The following PARD6G variants were observed in gnomAD, a reference collection of about 807,000 sequenced individuals.
PARD6G encodes the protein par-6 family cell polarity regulator gamma.
PARD6G carries 7 observed loss-of-function variants against 10.7 expected under a neutral mutation model. The observed-to-expected ratio is 0.66, with a 90% CI of 0.37 to 1.23. The LOEUF is 1.23. PARD6G is among the 50% of genes most tolerant of loss of function. The probability of loss-of-function intolerance (pLI) is 0.02; values close to 1 mark genes in which losing one functional copy is unlikely to be tolerated. For missense variants in PARD6G, 548 were observed against 571.8 expected (o/e 0.96, Z 0.42); for synonymous variants, 287 against 269.4 (o/e 1.07, Z -0.64).
intron 1 of PARD6G, among the ~76,000 whole-genome samples, chr18:80,223,198 G>T (rs1408662505): frequency 6.6e-6 from 1 of 152,066 alleles, no homozygotes; most frequent in Non-Finnish European, 1.5e-5. Context: ...TATCATTACT[G>T]GAGTTAGGCA....
chr18:80,244,783 A>G (rs1038153170), intron 1 of PARD6G, among the ~76,000 whole-genome samples: 11 of 152,162 alleles, frequency 7.2e-5, no homozygotes, highest in African/African-American at 2.7e-4. Context: ...ATGGTGCTAC[A>G]TTGAGGTTGT....
chr18:80,223,477 C>T (rs9965320), intron 1 of PARD6G, among the ~76,000 whole-genome samples: 3,891 of 151,984 alleles, frequency 0.026, 152 homozygotes, highest in African/African-American at 0.089. Flanking sequence ...ATAGACATTC[C>T]CCAAAAAAGA....
chr18:80,164,757 C>T (rs1246272795), intron 2 of PARD6G, among the ~76,000 whole-genome samples: 1 of 152,180 alleles, frequency 6.6e-6, no homozygotes, highest in African/African-American at 2.4e-5. Context: ...GGGATGACAT[C>T]ACCTATCGGT....
intron 1 of PARD6G, among the ~76,000 whole-genome samples, chr18:80,216,175 A>G (rs1967163719): frequency 6.6e-6 from 1 of 152,160 alleles, no homozygotes; most frequent in South Asian, 2.1e-4. Flanking sequence ...TCAACAATAA[A>G]TGTTGGAGAC....
At chr18:80,162,733 CG>C (rs954974943) in intron 2 of PARD6G, 25 of 161,602 alleles carry the variant, frequency 1.5e-4, no homozygotes, top group Admixed American at 7.2e-4. Flanking sequence ...AGGAACAGTG[CG>C]GGGGCATCTG....
intron 2 of PARD6G, among the ~76,000 whole-genome samples, chr18:80,172,043 T>A (rs1471953328): frequency 6.6e-6 from 1 of 152,238 alleles, no homozygotes; most frequent in East Asian, 1.9e-4. Context: ...CGTTTTCCCT[T>A]CTGCTGGATA....
intron 1 of PARD6G, among the ~76,000 whole-genome samples, chr18:80,241,128 G>T (rs1051083172): frequency 1.3e-5 from 2 of 152,178 alleles, no homozygotes; most frequent in African/African-American, 4.8e-5. Flanking sequence ...TTTCTTGCAA[G>T]CTCCAGATTC....
chr18:80,160,679 G>A, intron 2 of PARD6G, 73 bp from the exon 3 acceptor site: 5 of 1,424,388 alleles, frequency 3.5e-6, no homozygotes, highest in South Asian at 1.5e-5. Context: ...CATACACCTG[G>A]CACTGCTGTT....
At position 80,247,269 on chromosome 18, in the gene PARD6G, G is replaced by T; in HGVS notation, c.72+8C>A. On this transcript the variant is annotated splice_region_variant and intron_variant, in intron 1 of 2. Coordinates refer to ENST00000353265, the MANE Select transcript of PARD6G (RefSeq NM_032510.4). The surrounding 1 kb of genome is among the most constrained non-coding windows in gnomAD (Gnocchi z 4.2). ...GCGCAGGGCCGCCGGGGCGGGCGGG[G>T]GGCTTACCTTGCTCTTGACTTCCAC... The T allele has an allele frequency of 1.3e-6, 2 of 1,574,004 alleles. No homozygotes were observed.
At position 80,164,184 on chromosome 18, in the gene PARD6G, A is replaced by G. The variant is rs535763819; in HGVS notation, c.296-3578T>C. Reference sequence around the variant, plus strand: ...TCCTCAAGGCTAGAATGGGTGCCCAACAGCCCCTGGCTCTGGTGCCAGAGA... The same window carrying G: ...TCCTCAAGGCTAGAATGGGTGCCCAGCAGCCCCTGGCTCTGGTGCCAGAGA... On this transcript the variant is annotated intron_variant, in intron 2 of 2. Transcript: ENST00000353265. Among the ~76,000 whole-genome samples the G allele has an allele frequency of 4.6e-5, 7 of 152,332 alleles. No individual in the cohort carries two copies. In the South Asian group the frequency reaches 1.5e-3, roughly 32 times the overall value.
At chr18:80,190,664 C>T (rs1432954044) in intron 2 of PARD6G, among the ~76,000 whole-genome samples, 1 of 152,160 alleles carries the variant, frequency 6.6e-6, no homozygotes, top group African/African-American at 2.4e-5. Flanking sequence ...ATAAAAAAGG[C>T]AGCCACCCCT....
chr18:80,185,393 G>A (rs1359647415), intron 2 of PARD6G, among the ~76,000 whole-genome samples: 1 of 152,078 alleles, frequency 6.6e-6, no homozygotes, highest in African/African-American at 2.4e-5. Context: ...TCCTGCCTCA[G>A]CCTTCTGAGT....
chr18:80,170,235 T>C (rs912209067), intron 2 of PARD6G: 1 of 152,264 alleles, frequency 6.6e-6, no homozygotes, highest in African/African-American at 2.4e-5. Flanking sequence ...ACAAAACCTG[T>C]TGTGTACTGA....
intron 2 of PARD6G, chr18:80,170,131 C>T (rs2052765866): frequency 6.6e-6 from 1 of 152,248 alleles, no homozygotes; most frequent in African/African-American, 2.4e-5. Flanking sequence ...AGAAGAACTA[C>T]ACCACTGGGT....
In PARD6G at chr18:80,228,978, G is replaced by A. The variant is rs780960122; in HGVS notation, c.72+18299C>T. Among the ~76,000 whole-genome samples, 3 of 152,078 alleles carry A rather than the reference G, an allele frequency of 2.0e-5. No homozygotes were observed. Among genetic ancestry groups the A allele is most frequent in the East Asian group, 3.9e-4 (2 of 5,184 alleles). ...TTAGAAGACGGAGTCTCACTCTGTC[G>A]CCCAGGCTGGAGTGCAGTGGCATGA... On this transcript the variant is annotated intron_variant, in intron 1 of 2. Coordinates refer to ENST00000353265, the MANE Select transcript of PARD6G (RefSeq NM_032510.4). This position sits in a 1 kb window ranked among gnomAD's most constrained non-coding sequence, Gnocchi z 4.6.
chr18:80,204,196 T>G (rs1367357101), intron 1 of PARD6G, among the ~76,000 whole-genome samples: 1 of 152,174 alleles, frequency 6.6e-6, no homozygotes, highest in Non-Finnish European at 1.5e-5. Context: ...ACTAATTAGA[T>G]TGGTTCCAAA....
At chr18:80,230,048 C>G (rs1170492954) in intron 1 of PARD6G, among the ~76,000 whole-genome samples, 1 of 152,228 alleles carries the variant, frequency 6.6e-6, no homozygotes, top group Non-Finnish European at 1.5e-5. Context: ...ACCCTCAAGT[C>G]TCACTGTCAG....
intron 1 of PARD6G, among the ~76,000 whole-genome samples, chr18:80,204,118 G>A (rs931477950): frequency 6.6e-6 from 1 of 152,160 alleles, no homozygotes; most frequent in Non-Finnish European, 1.5e-5. Flanking sequence ...CAAGGGTTCC[G>A]GCTCCTGTCA....
At chr18:80,198,492 G>C (rs4799143) in intron 2 of PARD6G, among the ~76,000 whole-genome samples, 1 of 152,066 alleles carries the variant, frequency 6.6e-6, no homozygotes, top group African/African-American at 2.4e-5. Context: ...AACTACCACA[G>C]GATATGAAAA....
Sources: gnomAD v4.1 joint callset for allele counts (sites outside exome capture counted in the v4.1 genomes callset) on GRCh38, gnomAD v4.1.1 for gene constraint, Gnocchi (gnomAD v3.1) non-coding constraint, MANE v1.5 for transcripts, NCBI Gene and HGNC (gene_info 2026-07-23, HGNC 2026-07-21) for gene names.